The following C9orf153 variants were observed in gnomAD, a reference collection of about 807,000 sequenced individuals.
C9orf153 encodes the protein uncharacterized protein C9orf153.
Under a neutral mutation model 9.0 loss-of-function variants are expected in C9orf153, and 10 were observed. The observed-to-expected ratio is 1.11, with a 90% CI of 0.69 to 1.89. The LOEUF is 1.89. C9orf153 is among the 40% of genes most tolerant of loss of function. C9orf153 has a pLI of 0.00. For synonymous variants in C9orf153, 35 were observed against 37.3 expected (o/e 0.94, Z 0.23); for missense variants, 108 against 111.0 (o/e 0.97, Z 0.12).
At chr9:86,240,222 C>T (rs939332020) in intron 1 of C9orf153, among the ~76,000 whole-genome samples, 1 of 152,124 alleles carries the variant, frequency 6.6e-6, no homozygotes, top group Non-Finnish European at 1.5e-5. Context: ...GTAAGCACCC[C>T]TTCCCTAGCA....
At chr9:86,238,000 G>C (rs977981582) in intron 1 of C9orf153, among the ~76,000 whole-genome samples, 1 of 152,150 alleles carries the variant, frequency 6.6e-6, no homozygotes, top group Non-Finnish European at 1.5e-5. Flanking sequence ...CAGGAGAATA[G>C]CTTGAACCCT....
At chr9:86,232,382 C>T (rs562575540) in intron 1 of C9orf153, among the ~76,000 whole-genome samples, 1 of 152,280 alleles carries the variant, frequency 6.6e-6, no homozygotes, top group African/African-American at 2.4e-5. Flanking sequence ...CTAGACCAGC[C>T]CTTTGACCCA....
At chr9:86,234,556 T>G (rs549743363) in intron 1 of C9orf153, among the ~76,000 whole-genome samples, 123 of 152,262 alleles carry the variant, frequency 8.1e-4, no homozygotes, top group African/African-American at 2.7e-3. Context: ...TTACACAAAA[T>G]GAACCTAAAA....
intron 3 of C9orf153, among the ~76,000 whole-genome samples, chr9:86,226,440 G>A (rs1397187681): frequency 3.9e-5 from 6 of 151,902 alleles, no homozygotes; most frequent in Admixed American, 3.9e-4. Flanking sequence ...TCTCACCTCA[G>A]CCTCCCGAGT....
chr9:86,247,478 T>C (rs1824895187), intron 1 of C9orf153, among the ~76,000 whole-genome samples: 1 of 152,154 alleles, frequency 6.6e-6, no homozygotes, highest in Admixed American at 6.5e-5. Context: ...GCCCCAGATT[T>C]TGAGACCAGC....
At position 86,248,725 on chromosome 9, in the gene C9orf153, GA is replaced by G. The variant is rs978264127; in HGVS notation, c.-27+10824del. ...CTGAACCTGTTTTAGTTTCTCTGTA[GA>G]AAAAAAAACCTTTAGATTTCCACCA... On this transcript the variant is annotated intron_variant, in intron 1 of 3. Coordinates refer to ENST00000339137, the MANE Select transcript of C9orf153 (RefSeq NM_001276366.4). Among the ~76,000 whole-genome samples the G allele has an allele frequency of 7.3e-5, 11 of 151,054 alleles. No individual in the cohort carries two copies. The South Asian group carries it at 1.3e-3, about 17-fold the overall frequency.
At chr9:86,258,962 T>C (rs921735775) in intron 1 of C9orf153, among the ~76,000 whole-genome samples, 4 of 152,130 alleles carry the variant, frequency 2.6e-5, no homozygotes, top group Non-Finnish European at 5.9e-5. Context: ...TTCTTGGTGT[T>C]GTGCATTCTA....
chr9:86,228,140 A>C, intron 2 of C9orf153, 110 bp from the exon 3 acceptor site: 1 of 782,856 alleles, frequency 1.3e-6, no homozygotes, highest in Non-Finnish European at 1.9e-6. Context: ...CCATAAAGAC[A>C]AAAGCATTTT....
intron 3 of C9orf153, among the ~76,000 whole-genome samples, chr9:86,224,161 C>T (rs1335578468): frequency 6.6e-6 from 1 of 151,972 alleles, no homozygotes; most frequent in Non-Finnish European, 1.5e-5. Flanking sequence ...CCAAGGCAGG[C>T]AGATCACTTG....
At chr9:86,223,575 G>T (rs1024371128) in intron 3 of C9orf153, among the ~76,000 whole-genome samples, 2 of 152,172 alleles carry the variant, frequency 1.3e-5, no homozygotes, top group Non-Finnish European at 2.9e-5. Flanking sequence ...CTGCTATAGA[G>T]GGGGGAGCTA....
intron 1 of C9orf153, among the ~76,000 whole-genome samples, chr9:86,259,198 G>A (rs1825191629): frequency 6.6e-6 from 1 of 152,036 alleles, no homozygotes; most frequent in South Asian, 2.1e-4. Context: ...AGGGAGAGGT[G>A]CAAAGTCAGG....
In C9orf153 at chr9:86,248,926, T is replaced by C. The variant is rs74950557; in HGVS notation, c.-27+10624A>G. ...TCTGAGGTGTAATCTCATCTGGTTC[T>C]CAGCTTTCTCAAGTCTGCCACGCCA... is the stretch of plus-strand genomic sequence containing the variant. On this transcript the variant is annotated intron_variant, in intron 1 of 3. Coordinates refer to ENST00000339137, the MANE Select transcript of C9orf153 (RefSeq NM_001276366.4). 8.6e-3 allele frequency among the ~76,000 whole-genome samples: 1,316 copies of C among 152,318 alleles called. 23 individuals are homozygous for C. Among genetic ancestry groups the C allele is most frequent in the East Asian group, 0.049 (253 of 5,182 alleles).
chr9:86,233,585 T>G (rs1824515853), intron 1 of C9orf153, among the ~76,000 whole-genome samples: 1 of 151,966 alleles, frequency 6.6e-6, no homozygotes, highest in Non-Finnish European at 1.5e-5. Context: ...TCTGGATAAT[T>G]TTTGTATTTT....
intron 2 of C9orf153, 129 bp from the exon 3 acceptor site, chr9:86,228,159 G>T: frequency 1.4e-6 from 1 of 699,656 alleles, no homozygotes. Flanking sequence ...TTTATCTTTG[G>T]AAGATATCTT....
chr9:86,232,286 C>T (rs756341884), intron 1 of C9orf153, among the ~76,000 whole-genome samples: 4 of 152,144 alleles, frequency 2.6e-5, no homozygotes, highest in African/African-American at 7.2e-5. Context: ...GATCACTAGC[C>T]GAAAATGCTT....
Position 86,241,061 on chromosome 9 carries a change from C to T in C9orf153, c.-26-11432G>A, listed in dbSNP as rs74338035. Among the ~76,000 whole-genome samples, 1,401 of 152,134 alleles carry T rather than the reference C, an allele frequency of 9.2e-3. 21 individuals carry two copies. The highest frequency in any genetic ancestry group is 0.032 in the African/African-American group (1,321 of 41,506). On this transcript the variant is annotated intron_variant, in intron 1 of 3. Transcript: ENST00000339137. The stretch of plus-strand genomic sequence containing the variant: ...CCTCTCCCCTGGCTTCTCATATTAA[C>T]GCTTTCATCAGGTAACCTATATATT...
rs192568698 is a variant in C9orf153 at position 86,242,682 on chromosome 9, G to A, written c.-26-13053C>T. Among the ~76,000 whole-genome samples, 106 of 152,172 alleles carry A rather than the reference G, an allele frequency of 7.0e-4. 1 individual carries two copies. The East Asian group carries it at 0.019, about 27-fold the overall frequency. ...TTCACAGAGCATCCTCTGGAAGGAC[G>A]CACGCCACTTTTTTTAGATGGAGTC... On this transcript the variant is annotated intron_variant, in intron 1 of 3. Coordinates refer to ENST00000339137, the MANE Select transcript of C9orf153 (RefSeq NM_001276366.4).
intron 1 of C9orf153, among the ~76,000 whole-genome samples, chr9:86,235,294 C>G (rs1824556600): frequency 6.6e-6 from 1 of 152,028 alleles, no homozygotes; most frequent in Admixed American, 6.6e-5. Context: ...GGTATATAAG[C>G]AGAAGATGAG....
rs1487660360 is a variant in C9orf153 at position 86,221,503 on chromosome 9, T to A, written c.*185A>T. 7.4e-6 allele frequency: 10 copies of A among 1,355,126 alleles called. No homozygotes were observed. The East Asian group carries it at 2.6e-4, about 35-fold the overall frequency. 83.9% of individuals were successfully genotyped at this position (1,355,126 alleles called of 1,614,324 possible). On this transcript the variant is annotated 3_prime_UTR_variant, in exon 4 of 4. Transcript: ENST00000339137. ...CAAAATATTTTAATACACTACATAT[T>A]CCATTTAAGAGAATAACTTCCTTCA...
Sources: allele counts gnomAD v4.1 joint callset (sites outside exome capture counted in the v4.1 genomes callset), GRCh38; gene constraint gnomAD v4.1.1; transcripts MANE v1.5; gene names NCBI Gene and HGNC (gene_info 2026-07-23, HGNC 2026-07-21).